CHMP4B: variants seen among roughly 807,000 people sequenced by gnomAD.
The protein encoded by CHMP4B is charged multivesicular body protein 4B.
CHMP4B carries 1 observed loss-of-function variant against 25.1 expected under a neutral mutation model. The ratio of observed to expected loss-of-function variants is 0.04; its 90% CI spans 0.01 to 0.19. The LOEUF is 0.19. Among genes scored for constraint, CHMP4B ranks in the 10% least tolerant of loss-of-function variants. The pLI, the probability that CHMP4B is intolerant of heterozygous loss-of-function variation, is 1.00. For missense variants in CHMP4B, 151 were observed against 289.7 expected (o/e 0.52, Z 3.48); for synonymous variants, 101 against 115.6 (o/e 0.87, Z 0.81).
chr20:33,849,096 A>G (rs1233377134), intron 2 of CHMP4B, among the ~76,000 whole-genome samples: 2 of 152,074 alleles, frequency 1.3e-5, no homozygotes, highest in South Asian at 2.1e-4. Context: ...CTCTGTTCCT[A>G]TGTCTGCTTT....
At chr20:33,824,717 G>A (rs1317981529) in intron 1 of CHMP4B, among the ~76,000 whole-genome samples, 1 of 152,100 alleles carries the variant, frequency 6.6e-6, no homozygotes, top group Admixed American at 6.6e-5. Flanking sequence ...GTGTGGGACT[G>A]TCTTGTGTAT....
chr20:33,831,856 C>T (rs984877375), intron 1 of CHMP4B, among the ~76,000 whole-genome samples: 3 of 151,950 alleles, frequency 2.0e-5, no homozygotes, highest in Admixed American at 2.0e-4. Context: ...GTATACATAA[C>T]ATTACAGGTG....
chr20:33,832,132 C>G (rs964682541), intron 1 of CHMP4B, among the ~76,000 whole-genome samples: 3 of 152,168 alleles, frequency 2.0e-5, no homozygotes, highest in African/African-American at 7.2e-5. Context: ...CCCAACTTCC[C>G]CACAAACGTC....
intron 1 of CHMP4B, among the ~76,000 whole-genome samples, chr20:33,825,524 T>C (rs1979072286): frequency 6.6e-6 from 1 of 152,138 alleles, no homozygotes; most frequent in African/African-American, 2.4e-5. Context: ...GGGCTTTTCC[T>C]GAAACCATGA....
intron 1 of CHMP4B, among the ~76,000 whole-genome samples, chr20:33,837,070 G>C (rs1004700448): frequency 1.3e-5 from 2 of 152,114 alleles, no homozygotes; most frequent in Admixed American, 1.3e-4. Context: ...CTTATTGTCA[G>C]GATTAAATAC....
chr20:33,819,556 C>T (rs1054265259), intron 1 of CHMP4B, among the ~76,000 whole-genome samples: 14 of 152,190 alleles, frequency 9.2e-5, no homozygotes, highest in African/African-American at 3.4e-4. Flanking sequence ...CTAGCTCTAC[C>T]TCCTCCCTCT....
chr20:33,849,670 G>T (rs1312823250), intron 2 of CHMP4B, among the ~76,000 whole-genome samples: 1 of 152,186 alleles, frequency 6.6e-6, no homozygotes, highest in East Asian at 1.9e-4. Context: ...GCATATATTT[G>T]GGGGTGCTAG....
chr20:33,844,919 C>T (rs546304344), intron 1 of CHMP4B, among the ~76,000 whole-genome samples: 8 of 152,194 alleles, frequency 5.3e-5, no homozygotes, highest in East Asian at 3.9e-4. Context: ...CCACCACACC[C>T]GGCTAATTTT....
At chr20:33,851,692 A>G (rs1399579568) in intron 3 of CHMP4B, among the ~76,000 whole-genome samples, 1 of 152,104 alleles carries the variant, frequency 6.6e-6, no homozygotes, top group Non-Finnish European at 1.5e-5. Context: ...TTGGCTCTCA[A>G]CACCAGGGTT....
chr20:33,841,787 A>T (rs1212870413), intron 1 of CHMP4B, among the ~76,000 whole-genome samples: 1 of 151,994 alleles, frequency 6.6e-6, no homozygotes, highest in Non-Finnish European at 1.5e-5. Context: ...TGGTTCTTTC[A>T]TGTGTCAGCA....
At chr20:33,814,576 G>A (rs1334573063) in intron 1 of CHMP4B, among the ~76,000 whole-genome samples, 1 of 152,186 alleles carries the variant, frequency 6.6e-6, no homozygotes, top group Non-Finnish European at 1.5e-5. Context: ...TGGGACAGGA[G>A]ATAACACTGA....
chr20:33,831,095 A>ATTTT (rs556330396), intron 1 of CHMP4B, among the ~76,000 whole-genome samples: 1 of 134,736 alleles, frequency 7.4e-6, no homozygotes. Flanking sequence ...TGCTCAGCTA[A>ATTTT]TTTTTTTTTT....
At chr20:33,840,850 C>T (rs1292512374) in intron 1 of CHMP4B, among the ~76,000 whole-genome samples, 1 of 152,086 alleles carries the variant, frequency 6.6e-6, no homozygotes, top group Non-Finnish European at 1.5e-5. Flanking sequence ...TCATTTTAAT[C>T]CTCACAATAA....
intron 4 of CHMP4B, 38 bp downstream of exon 4, chr20:33,852,241 T>C (rs1343686707): frequency 1.3e-5 from 21 of 1,613,314 alleles, no homozygotes; most frequent in Admixed American, 1.2e-4. Flanking sequence ...CGTGAGGTCA[T>C]GTGGCAGGTG....
intron 1 of CHMP4B, among the ~76,000 whole-genome samples, chr20:33,841,432 A>G (rs1232218238): frequency 6.6e-6 from 1 of 152,214 alleles, no homozygotes; most frequent in Admixed American, 6.5e-5. Context: ...AATGTCAGGG[A>G]CAGCGTTCCA....
intron 1 of CHMP4B, among the ~76,000 whole-genome samples, chr20:33,813,255 A>G (rs1327743727): frequency 6.6e-6 from 1 of 152,076 alleles, no homozygotes; most frequent in Non-Finnish European, 1.5e-5. Context: ...TTGTGTCCAG[A>G]ATGTAGTGCT....
intron 1 of CHMP4B, among the ~76,000 whole-genome samples, chr20:33,832,956 AT>A (rs113338093): frequency 2.6e-4 from 38 of 147,614 alleles, no homozygotes; most frequent in Admixed American, 3.4e-4. Context: ...TTAAAAAAAA[AT>A]TTTTTTTTTT....
intron 1 of CHMP4B, among the ~76,000 whole-genome samples, chr20:33,827,613 A>G (rs373190329): frequency 1.2e-3 from 182 of 152,354 alleles, no homozygotes; most frequent in African/African-American, 4.1e-3. Context: ...AGATGCTGGA[A>G]GGCATCTTTT....
At chr20:33,841,843 A>C (rs538956928) in intron 1 of CHMP4B, among the ~76,000 whole-genome samples, 6 of 152,308 alleles carry the variant, frequency 3.9e-5, no homozygotes, top group Admixed American at 2.6e-4. Context: ...TGGAAACTGG[A>C]TGGAAGAACA....
Sources: allele counts gnomAD v4.1 joint callset (sites outside exome capture counted in the v4.1 genomes callset), GRCh38; gene constraint gnomAD v4.1.1; transcripts MANE v1.5; gene names NCBI Gene and HGNC (gene_info 2026-07-23, HGNC 2026-07-21).